Variants in DLEU7 observed in about 807,000 individuals in gnomAD.
DLEU7 encodes deleted in lymphocytic leukemia 7, also known as leukemia-associated protein 7.
Under a neutral mutation model 16.0 loss-of-function variants are expected in DLEU7, and 17 were observed. The ratio of observed to expected loss-of-function variants is 1.06; its 90% CI spans 0.73 to 1.59. The LOEUF is 1.59. Among genes scored for constraint, DLEU7 ranks in the 40% most tolerant of loss-of-function variants. DLEU7 has a pLI of 0.00. For missense variants in DLEU7, 308 were observed against 314.9 expected (o/e 0.98, Z 0.17); for synonymous variants, 113 against 139.8 (o/e 0.81, Z 1.35).
chr13:50,713,238 A>C, exon 2 of DLEU7: 1 of 1,610,662 alleles, frequency 6.2e-7, no homozygotes, highest in Non-Finnish European at 8.5e-7. Context: ...CCAGGAGTTG[A>C]AGCTGAAAGA....
chr13:50,816,611 G>A (rs1876744374), intron 1 of DLEU7, among the ~76,000 whole-genome samples: 1 of 152,046 alleles, frequency 6.6e-6, no homozygotes, highest in Admixed American at 6.6e-5. Context: ...AGAGACAAGA[G>A]GGTATCAAAG....
chr13:50,737,054 G>A (rs1874091595), intron 1 of DLEU7, among the ~76,000 whole-genome samples: 1 of 152,104 alleles, frequency 6.6e-6, no homozygotes, highest in Non-Finnish European at 1.5e-5. Context: ...TAATGAGTTT[G>A]TGGGGTGGGG....
chr13:50,840,184 C>G (rs1185827258), intron 1 of DLEU7: 2 of 152,196 alleles, frequency 1.3e-5, no homozygotes, highest in Non-Finnish European at 2.9e-5. Flanking sequence ...TCCCGGAAAT[C>G]CTCCTGCAAG....
At chr13:50,728,454 AC>A (rs545396447) in intron 1 of DLEU7, among the ~76,000 whole-genome samples, 244 of 152,322 alleles carry the variant, frequency 1.6e-3, no homozygotes, top group African/African-American at 5.4e-3. Context: ...TTACTGCAGA[AC>A]TTTTCAAAAG....
At position 50,843,052 on chromosome 13, in the gene DLEU7, T is replaced by TCAAG; in HGVS notation, c.459+135_459+136insCTTG. On this transcript the variant is annotated intron_variant, in intron 1 of 1. Coordinates refer to ENST00000504404, the MANE Select transcript of DLEU7 (RefSeq NM_001306135.2). This position sits in a 1 kb window ranked among gnomAD's most constrained non-coding sequence, Gnocchi z 5.7. Reference sequence around the variant, plus strand: ...AGAGTGTCCCCCGCCCCCTTCCTTCTCCCACTGGGGCTGAATCACAGTGGG... The same window carrying TCAAG: ...AGAGTGTCCCCCGCCCCCTTCCTTCTCAAGCCCACTGGGGCTGAATCACAGTGGG... 1 of 907,104 alleles carries TCAAG rather than the reference T, an allele frequency of 1.1e-6. No individual in the cohort carries two copies. The highest frequency in any genetic ancestry group is 3.3e-5 in the East Asian group (1 of 30,106). 56.2% of individuals were successfully genotyped at this position (907,104 alleles called of 1,614,324 possible).
chr13:50,732,725 T>C (rs1186763471), intron 1 of DLEU7, among the ~76,000 whole-genome samples: 1 of 152,154 alleles, frequency 6.6e-6, no homozygotes, highest in African/African-American at 2.4e-5. Flanking sequence ...TTTGAGTCCT[T>C]TTTTTAAAAT....
chr13:50,777,829 T>TGATG (rs1212845150), intron 1 of DLEU7, among the ~76,000 whole-genome samples: 1 of 152,202 alleles, frequency 6.6e-6, no homozygotes, highest in Non-Finnish European at 1.5e-5. Flanking sequence ...CATCTTTCCA[T>TGATG]AAACCTGCCC....
chr13:50,803,656 TAAATA>T (rs1386790917), intron 1 of DLEU7, among the ~76,000 whole-genome samples: 1 of 152,056 alleles, frequency 6.6e-6, no homozygotes, highest in Admixed American at 6.5e-5. Flanking sequence ...TATGACAAAT[TAAATA>T]AAACATATTA....
At chr13:50,805,630 G>A (rs977000464) in intron 1 of DLEU7, among the ~76,000 whole-genome samples, 7 of 150,240 alleles carry the variant, frequency 4.7e-5, no homozygotes, top group East Asian at 3.9e-4. Context: ...TTCTAATTCC[G>A]TCTTCCACAT....
intron 1 of DLEU7, among the ~76,000 whole-genome samples, chr13:50,770,031 C>G (rs1247944165): frequency 6.6e-6 from 1 of 152,078 alleles, no homozygotes; most frequent in African/African-American, 2.4e-5. Flanking sequence ...CTCTTTGAAG[C>G]AATTGTGAAT....
In DLEU7 at chr13:50,843,274, C is replaced by T. The variant is rs552442190; in HGVS notation, c.373G>A (p.Val125Met). 2.5e-6 allele frequency: 4 copies of T among 1,586,742 alleles called. No homozygotes were observed. The African/African-American group carries it at 5.5e-5, about 22-fold the overall frequency. Residue 125 changes from valine (V) to methionine (M), a missense_variant, in exon 1 of 2, where the codon GTG becomes ATG. Physicochemically the swap from Val to Met is conservative, Grantham distance 21. Coordinates refer to ENST00000504404, the MANE Select transcript of DLEU7 (RefSeq NM_001306135.2). This position sits in a 1 kb window ranked among gnomAD's most constrained non-coding sequence, Gnocchi z 5.7. The part of the protein sequence containing the change: ...MAMRSALARV[V>M]DSTSELVSVE... ...CTGACCAGCTCCGAAGTCGAGTCCACCACGCGGGCCAGCGCGCTGCGCATC... is the reference window on the plus strand; with the variant it reads ...CTGACCAGCTCCGAAGTCGAGTCCATCACGCGGGCCAGCGCGCTGCGCATC...
rs73492077 is a variant in DLEU7, at chr13:50,741,666, A to G, written c.460-28426T>C. ...TTAAGAATTCCCCATAGCTGTTCCT[A>G]CCTTAGCTTTTTAATAATTTTACAT... On this transcript the variant is annotated intron_variant, in intron 1 of 1. Transcript: ENST00000400393. Among the ~76,000 whole-genome samples the G allele has an allele frequency of 5.0e-3, 766 of 152,312 alleles. 5 individuals carry two copies. Among genetic ancestry groups the G allele is most frequent in the African/African-American group, 0.017 (727 of 41,564 alleles).
intron 1 of DLEU7, among the ~76,000 whole-genome samples, chr13:50,797,242 A>G (rs1398488405): frequency 1.3e-5 from 2 of 152,188 alleles, no homozygotes; most frequent in Non-Finnish European, 2.9e-5. Context: ...TTCATCCTCC[A>G]GGAAACTGGG....
intron 1 of DLEU7, among the ~76,000 whole-genome samples, chr13:50,767,455 C>CAAAAAAAAAAAAAAAAAA (rs35091007): frequency 1.6e-5 from 1 of 64,484 alleles, no homozygotes; most frequent in African/African-American, 5.9e-5. Context: ...GACTCCGTCT[C>CAAAAAAAAAAAAAAAAAA]AAAAAAAAAA....
chr13:50,732,144 G>A (rs79628333), intron 1 of DLEU7, among the ~76,000 whole-genome samples: 4,086 of 152,114 alleles, frequency 0.027, 246 homozygotes, highest in East Asian at 0.21. Context: ...TGCCACCCAC[G>A]TTTCTATAAC....
chr13:50,794,336 A>G (rs955038754), intron 1 of DLEU7, among the ~76,000 whole-genome samples: 1 of 151,988 alleles, frequency 6.6e-6, no homozygotes, highest in Non-Finnish European at 1.5e-5. Context: ...TTTGGTCACA[A>G]TAATGATGGC....
chr13:50,843,758 C>T, upstream of DLEU7: 1 of 1,389,378 alleles, frequency 7.2e-7, no homozygotes, highest in Non-Finnish European at 9.5e-7. The surrounding 1 kb of genome is among the most constrained non-coding windows in gnomAD (Gnocchi z 5.7). Context: ...TCCTCGGCCT[C>T]TGGGTCTCAC....
intron 1 of DLEU7, among the ~76,000 whole-genome samples, chr13:50,724,391 C>T (rs911328081): frequency 6.6e-5 from 10 of 152,126 alleles, no homozygotes. Flanking sequence ...GGCTCCCAGG[C>T]AACATCAGAG....
intron 1 of DLEU7, among the ~76,000 whole-genome samples, chr13:50,830,070 C>A (rs1263837558): frequency 6.6e-6 from 1 of 151,968 alleles, no homozygotes; most frequent in Admixed American, 6.6e-5. Flanking sequence ...GATGTAATAT[C>A]CTACACGATG....
Sources: gnomAD v4.1 joint callset for allele counts (sites outside exome capture counted in the v4.1 genomes callset) on GRCh38, gnomAD v4.1.1 for gene constraint, Gnocchi (gnomAD v3.1) non-coding constraint, MANE v1.5 for transcripts, NCBI Gene and HGNC (gene_info 2026-07-23, HGNC 2026-07-21) for gene names.